Variants in ANGEL1 observed in about 807,000 individuals in gnomAD.
ANGEL1 encodes RNA 2',3'-cyclic phosphatase ANGEL1.
ANGEL1 carries 62 observed loss-of-function variants against 76.4 expected under a neutral mutation model. The observed-to-expected ratio is 0.81, with a 90% CI of 0.66 to 1.00. ANGEL1 has a LOEUF of 1.00. Ranked by LOEUF, ANGEL1 falls within the 50% of genes least tolerant of loss-of-function variation. ANGEL1 has a pLI of 0.00. For missense variants in ANGEL1, 737 were observed against 836.7 expected (o/e 0.88, Z 1.47); for synonymous variants, 340 against 331.7 (o/e 1.03, Z -0.27).
At position 76,806,593 on chromosome 14, in the gene ANGEL1, A is replaced by G. The variant is rs774818811; in HGVS notation, c.1203T>C (p.Asp401=). 3.7e-6 allele frequency: 6 copies of G among 1,614,192 alleles called. No individual in the cohort carries two copies. The highest frequency in any genetic ancestry group is 5.1e-6 in the Non-Finnish European group (6 of 1,180,046). The part of the protein sequence containing the change: ...THILYNPRRG[D]VKLAQMAILL... ...GAATGGCCATCTGGGCCAGCTTGACATCGCCCCGGCGTGGGTTGTAAAGGA... is the reference window on the plus strand; with the variant it reads ...GAATGGCCATCTGGGCCAGCTTGACGTCGCCCCGGCGTGGGTTGTAAAGGA... Residue 401 remains aspartate (D), a synonymous_variant, in exon 5 of 10, where the codon GAT becomes GAC. Coordinates refer to ENST00000251089, the MANE Select transcript of ANGEL1 (RefSeq NM_015305.4).
At chr14:76,790,062 A>G (rs2140206097) in intron 9 of ANGEL1, among the ~76,000 whole-genome samples, 1 of 152,100 alleles carries the variant, frequency 6.6e-6, no homozygotes, top group South Asian at 2.1e-4. Flanking sequence ...ACGGGGTTTC[A>G]TCATGTGGCC....
intron 1 of ANGEL1, among the ~76,000 whole-genome samples, chr14:76,811,522 G>C (rs1293513270): frequency 2.0e-4 from 11 of 54,312 alleles, no homozygotes; most frequent in Admixed American, 5.3e-4. Context: ...TGTAGGTGGG[G>C]GGGCGGGGGG....
chr14:76,807,603 C>A, intron 3 of ANGEL1, 101 bp from the exon 4 acceptor site: 1 of 1,153,870 alleles, frequency 8.7e-7, no homozygotes, highest in South Asian at 1.3e-5. Flanking sequence ...TGCTGGGTCA[C>A]ACTGAAACTT....
At chr14:76,808,170 A>C in intron 2 of ANGEL1, 22 bp from the exon 3 acceptor site, 1 of 1,602,476 alleles carries the variant, frequency 6.2e-7, no homozygotes. Context: ...TGGGAGAAGC[A>C]CTCAATGGCA....
chr14:76,792,806 T>G (rs1894445802), intron 7 of ANGEL1, among the ~76,000 whole-genome samples: 1 of 152,220 alleles, frequency 6.6e-6, no homozygotes, highest in African/African-American at 2.4e-5. Flanking sequence ...GGTGAAAGAC[T>G]GAACGCTTTA....
chr14:76,806,919 A>G, intron 4 of ANGEL1, 70 bp from the exon 5 acceptor site: 1 of 1,499,604 alleles, frequency 6.7e-7, no homozygotes, highest in Non-Finnish European at 9.1e-7. Context: ...AACCAGCACC[A>G]GCAGTCCCAG....
rs557838334 is a variant in ANGEL1 at position 76,789,601 on chromosome 14, C to T, written c.1853-213G>A. ...TCAACGAATAAAGACAGGTGAGTTC[C>T]GGGGAACTGGGGCAAGCTGGAGAGC... is the stretch of plus-strand genomic sequence containing the variant. On this transcript the variant is annotated intron_variant, in intron 9 of 9. Transcript: ENST00000251089. Among the ~76,000 whole-genome samples, 416 of 152,134 alleles carry T rather than the reference C, an allele frequency of 2.7e-3. 6 individuals are homozygous for T. The highest frequency in any genetic ancestry group is 9.6e-3 in the African/African-American group (399 of 41,524).
intron 7 of ANGEL1, among the ~76,000 whole-genome samples, chr14:76,796,509 G>A (rs564450622): frequency 1.3e-5 from 2 of 152,098 alleles, no homozygotes; most frequent in South Asian, 4.1e-4. Context: ...ACTTGCCTCA[G>A]TCTCCCAAAG....
chr14:76,809,189 C>T lies in ANGEL1; in HGVS notation c.519G>A (p.Gln173=), dbSNP rs1443093976. ...CCAACACCGCTGGGTCCTCTTCCCA[C>T]TGCTCTGTGGCCAGGGCACCCACTG... is the stretch of plus-strand genomic sequence containing the variant. ...ALPVGALATE[Q]WEEDPAVLAW... Residue 173 remains glutamine (Q), a synonymous_variant, in exon 2 of 10, where the codon CAG becomes CAA. Coordinates refer to ENST00000251089, the MANE Select transcript of ANGEL1 (RefSeq NM_015305.4). 4.3e-6 allele frequency: 7 copies of T among 1,613,898 alleles called. No individual in the cohort carries two copies. In the East Asian group the frequency reaches 1.3e-4, roughly 31 times the overall value.
chr14:76,799,278 CTTTTTTTTTTTTTTTTT>C (rs71122579), intron 7 of ANGEL1, among the ~76,000 whole-genome samples: 9 of 52,344 alleles, frequency 1.7e-4, no homozygotes, highest in African/African-American at 3.3e-4. Context: ...TCATGGCCTC[CTTTTTTTTTTTTTTTTT>C]TTTTTTTTTT....
chr14:76,802,694 G>A (rs140086012), intron 7 of ANGEL1, among the ~76,000 whole-genome samples: 176 of 151,966 alleles, frequency 1.2e-3, no homozygotes, highest in African/African-American at 4.2e-3. Context: ...AAAAAAAAAG[G>A]GATTTGGGTT....
At chr14:76,801,952 T>A (rs1894776667) in intron 7 of ANGEL1, among the ~76,000 whole-genome samples, 1 of 151,574 alleles carries the variant, frequency 6.6e-6, no homozygotes, top group Admixed American at 6.6e-5. Flanking sequence ...AGGTCAGGAG[T>A]TCGAGACCAG....
In ANGEL1 at chr14:76,806,868, C is replaced by A; in HGVS notation, c.947-19G>T. On this transcript the variant is annotated intron_variant, in intron 4 of 9. Transcript: ENST00000251089. ...GTAAAGCCTGCAAGGAAAATCCCAC[C>A]AAAGAGATGGGTCAGAGTCCTTAAA... The A allele has an allele frequency of 6.2e-7, 1 of 1,605,078 alleles. No homozygotes were observed. Among genetic ancestry groups the A allele is most frequent in the South Asian group, 1.1e-5 (1 of 90,068 alleles).
intron 5 of ANGEL1, 102 bp from the exon 6 acceptor site, chr14:76,804,014 A>G: frequency 1.2e-6 from 2 of 1,611,226 alleles, no homozygotes; most frequent in South Asian, 1.1e-5. Context: ...ACATACAATC[A>G]CACACTACGT....
At chr14:76,812,704 G>GGAGCCCCGCA (rs1486839252) in intron 1 of ANGEL1, 60 bp downstream of exon 1, 7 of 1,452,638 alleles carry the variant, frequency 4.8e-6, no homozygotes, top group Admixed American at 2.5e-5. Context: ...CCAGGCCCGC[G>GGAGCCCCGCA]GAGCCCCGCA....
At chr14:76,799,514 C>G (rs926379449) in intron 7 of ANGEL1, among the ~76,000 whole-genome samples, 2 of 151,794 alleles carry the variant, frequency 1.3e-5, no homozygotes, top group Admixed American at 1.3e-4. Context: ...AAGATGGTCT[C>G]GATCTCCTGA....
chr14:76,793,345 G>GGAAAGAGGAGAGGA (rs1448268675), intron 7 of ANGEL1, among the ~76,000 whole-genome samples: 2 of 121,540 alleles, frequency 1.6e-5, no homozygotes, highest in Non-Finnish European at 3.4e-5. Context: ...AGGGGAGACG[G>GGAAAGAGGAGAGGA]GAAAGAGGAG....
chr14:76,812,542 G>A (rs1051873162), intron 1 of ANGEL1: 42 of 1,245,744 alleles, frequency 3.4e-5, no homozygotes, highest in African/African-American at 1.2e-4. Context: ...GACAACAGGC[G>A]GGAGGAGGGG....
intron 4 of ANGEL1, 50 bp downstream of exon 4, chr14:76,807,383 A>G (rs376539030): frequency 5.1e-6 from 8 of 1,557,492 alleles, no homozygotes; most frequent in Non-Finnish European, 7.0e-6. Flanking sequence ...GAGAGAGTAG[A>G]CAAGTCTGTG....
Sources: gnomAD v4.1 joint callset for allele counts (sites outside exome capture counted in the v4.1 genomes callset) on GRCh38, gnomAD v4.1.1 for gene constraint, MANE v1.5 for transcripts, NCBI Gene and HGNC (gene_info 2026-07-23, HGNC 2026-07-21) for gene names.